ANKRD26: variants seen among roughly 807,000 people sequenced by gnomAD.
ANKRD26 encodes ankyrin repeat domain-containing protein 26.
A neutral mutation model predicts 208.7 loss-of-function variants in ANKRD26; 141 were observed. The ratio of observed to expected loss-of-function variants is 0.68; its 90% CI spans 0.59 to 0.78. ANKRD26 has a LOEUF of 0.78. Ranked by LOEUF, ANKRD26 falls within the 30% of genes least tolerant of loss-of-function variation. The pLI is 0.00. For synonymous variants in ANKRD26, 636 were observed against 660.4 expected (o/e 0.96, Z 0.57); for missense variants, 1,889 against 1,938.7 (o/e 0.97, Z 0.48).
At chr10:27,047,092 A>C (rs2054474542) in intron 17 of ANKRD26, among the ~76,000 whole-genome samples, 2 of 152,228 alleles carry the variant, frequency 1.3e-5, no homozygotes, top group Admixed American at 6.5e-5. Flanking sequence ...TTAGACATGG[A>C]AGTAGCAATT....
At chr10:26,996,901 G>A (rs1237796792) in intron 4 of ANKRD26, among the ~76,000 whole-genome samples, 1 of 151,958 alleles carries the variant, frequency 6.6e-6, no homozygotes, top group African/African-American at 2.4e-5. Context: ...TCCTTTTTCT[G>A]TCTTTAGTTT....
At chr10:27,089,978 T>A (rs2056246947) in intron 4 of ANKRD26, among the ~76,000 whole-genome samples, 1 of 152,216 alleles carries the variant, frequency 6.6e-6, no homozygotes, top group Non-Finnish European at 1.5e-5. Context: ...CTCTATTTAG[T>A]GTTAACTAGC....
At chr10:26,966,074 C>T in the ANKRD26 span, among the ~76,000 whole-genome samples, 4 of 152,096 alleles carry the variant, frequency 2.6e-5, no homozygotes, top group East Asian at 3.8e-4. Flanking sequence ...AACAGTATGG[C>T]GATTCCTCAA....
chr10:27,086,110 T>C (rs2056106200), intron 5 of ANKRD26, among the ~76,000 whole-genome samples: 1 of 152,144 alleles, frequency 6.6e-6, no homozygotes, highest in Non-Finnish European at 1.5e-5. Context: ...AGTCCTAATA[T>C]GCACGTTGCT....
At chr10:26,952,609 C>T in the ANKRD26 span, among the ~76,000 whole-genome samples, 4 of 151,964 alleles carry the variant, frequency 2.6e-5, no homozygotes, top group East Asian at 1.9e-4. Context: ...CCAGCATAGG[C>T]GACAAAGCGA....
chr10:27,015,398 T>TC (rs551186837), intron 30 of ANKRD26, among the ~76,000 whole-genome samples: 117 of 152,360 alleles, frequency 7.7e-4, no homozygotes, highest in African/African-American at 2.6e-3. Flanking sequence ...TGGAGTGTGA[T>TC]CCTGAGCCTG....
chr10:26,988,815 G>C (rs1283920443), downstream of ANKRD26, among the ~76,000 whole-genome samples: 1 of 150,972 alleles, frequency 6.6e-6, no homozygotes, highest in Non-Finnish European at 1.5e-5. Flanking sequence ...GAAGGCCAAG[G>C]TAGGAAGATC....
the ANKRD26 span, among the ~76,000 whole-genome samples, chr10:26,967,718 T>C: frequency 6.6e-6 from 1 of 152,274 alleles, no homozygotes; most frequent in East Asian, 1.9e-4. Flanking sequence ...AAACCCAAAC[T>C]TGTACATCCT....
rs112658638 is a variant in ANKRD26 at position 27,093,899 on chromosome 10, T to C, written c.243-100A>G. ...ACATTAAATAGCATGTTGATATGGT[T>C]TGGCTGTGTCCCCACCCAAATCTCA... On this transcript the variant is annotated intron_variant, in intron 1 of 33. Coordinates refer to ENST00000376087, the MANE Select transcript of ANKRD26 (RefSeq NM_014915.3). 271 of 966,966 alleles carry C rather than the reference T, an allele frequency of 2.8e-4. 1 individual carries two copies. The African/African-American group carries it at 4.0e-3, about 14-fold the overall frequency. The allele number at this position is 966,966 out of a possible 1,614,324, so 59.9% of individuals were successfully genotyped here.
chr10:27,003,922 T>C (rs1484486696), downstream of ANKRD26, among the ~76,000 whole-genome samples: 1 of 152,198 alleles, frequency 6.6e-6, no homozygotes, highest in Non-Finnish European at 1.5e-5. Context: ...CCATCTTGAA[T>C]TTTCCTCGGC....
At chr10:26,962,683 G>A in the ANKRD26 span, among the ~76,000 whole-genome samples, 2 of 152,186 alleles carry the variant, frequency 1.3e-5, no homozygotes, top group Non-Finnish European at 2.9e-5. Context: ...AGGAGTTCAA[G>A]GTTGCAGTGA....
At chr10:27,095,484 A>G (rs982390260) in intron 1 of ANKRD26, among the ~76,000 whole-genome samples, 8 of 152,210 alleles carry the variant, frequency 5.3e-5, no homozygotes, top group Non-Finnish European at 1.2e-4. Context: ...CCTGACCAAC[A>G]TGGTAAAACC....
At chr10:27,047,408 C>G (rs1171620904) in intron 17 of ANKRD26, among the ~76,000 whole-genome samples, 1 of 151,930 alleles carries the variant, frequency 6.6e-6, no homozygotes, top group Non-Finnish European at 1.5e-5. Flanking sequence ...ATCATGAGGT[C>G]AGGAGTTCAA....
intron 5 of ANKRD26, among the ~76,000 whole-genome samples, chr10:26,992,441 T>TA (rs1473016600): frequency 1.4e-5 from 2 of 144,874 alleles, no homozygotes; most frequent in East Asian, 4.1e-4. Context: ...ATATGATACG[T>TA]AAAAAAGAAA....
At chr10:27,027,964 T>C (rs903737597) in intron 27 of ANKRD26, among the ~76,000 whole-genome samples, 1 of 152,220 alleles carries the variant, frequency 6.6e-6, no homozygotes, top group African/African-American at 2.4e-5. Context: ...CCAATACTTA[T>C]TATAAGATAG....
chr10:27,017,100 T>G (rs1481162111), intron 30 of ANKRD26, among the ~76,000 whole-genome samples: 8 of 152,168 alleles, frequency 5.3e-5, no homozygotes, highest in Non-Finnish European at 1.0e-4. Flanking sequence ...GGCTGAGGTA[T>G]AAACATTTGA....
intron 27 of ANKRD26, among the ~76,000 whole-genome samples, chr10:27,028,478 T>C (rs572096074): frequency 2.1e-4 from 32 of 149,024 alleles, no homozygotes; most frequent in Non-Finnish European, 7.4e-5. Context: ...GCTCCTGTAG[T>C]CCCAGCTACT....
intron 20 of ANKRD26, among the ~76,000 whole-genome samples, chr10:27,041,767 C>T (rs1452183927): frequency 6.6e-6 from 1 of 151,558 alleles, no homozygotes; most frequent in Non-Finnish European, 1.5e-5. Context: ...TATAAGCCCC[C>T]AAAGAGGAAG....
intron 25 of ANKRD26, chr10:27,030,571 G>A (rs1359409017): frequency 6.1e-6 from 6 of 985,316 alleles, no homozygotes; most frequent in Non-Finnish European, 6.0e-6. Context: ...GGGTGGGAAA[G>A]CGGTATGAAT....
Sources: allele counts gnomAD v4.1 joint callset (sites outside exome capture counted in the v4.1 genomes callset), GRCh38; gene constraint gnomAD v4.1.1; transcripts MANE v1.5; gene names NCBI Gene and HGNC (gene_info 2026-07-23, HGNC 2026-07-21).